The following BACH2 variants were observed in gnomAD, a reference collection of about 807,000 sequenced individuals.
BACH2 encodes the protein transcription regulator protein BACH2.
In BACH2, 5 loss-of-function variants were observed where a neutral mutation model predicts 61.8. The ratio of observed to expected loss-of-function variants is 0.08; its 90% confidence interval spans 0.04 to 0.17. The LOEUF (loss-of-function observed/expected upper bound fraction) is 0.17. Among genes scored for constraint, BACH2 ranks in the 10% least tolerant of loss-of-function variants. The probability of loss-of-function intolerance (pLI) is 1.00; values close to 1 mark genes in which losing one functional copy is unlikely to be tolerated. For missense variants in BACH2, 824 were observed against 1,091.1 expected (o/e 0.76, Z 3.45); for synonymous variants, 446 against 440.1 (o/e 1.01, Z -0.17).
intron 4 of BACH2, among the ~76,000 whole-genome samples, chr6:90,180,992 T>C (rs1449451619): frequency 2.6e-5 from 4 of 152,178 alleles, no homozygotes; most frequent in Admixed American, 2.6e-4. Context: ...CACCTGCAGG[T>C]GTCCTTTTTA....
At chr6:90,114,351 G>C (rs1257070085) in intron 4 of BACH2, among the ~76,000 whole-genome samples, 1 of 152,126 alleles carries the variant, frequency 6.6e-6, no homozygotes, top group Non-Finnish European at 1.5e-5. Flanking sequence ...CGGATGCAGG[G>C]TTGGTTCAAC....
chr6:90,212,395 G>T (rs1769385531), intron 3 of BACH2, among the ~76,000 whole-genome samples: 2 of 152,142 alleles, frequency 1.3e-5, no homozygotes. Context: ...AGTGGAGCTT[G>T]CCAAGGAGAT....
In BACH2 at chr6:90,242,965, C is replaced by T. The variant is rs192694960; in HGVS notation, c.-275+9548G>A. Among the ~76,000 whole-genome samples the T allele has an allele frequency of 3.6e-4, 54 of 151,658 alleles. No homozygotes were observed. In the East Asian group the frequency reaches 9.7e-3, roughly 27 times the overall value. ...CGTGATCTTGGCTCACTGCAACCTC[C>T]GCCTCCCGAGTTCAAGCGATTCTCC... On this transcript the variant is annotated intron_variant, in intron 3 of 8. Transcript: ENST00000257749.
chr6:90,055,044 G>A (rs914820516), intron 5 of BACH2, among the ~76,000 whole-genome samples: 4 of 152,166 alleles, frequency 2.6e-5, no homozygotes, highest in Admixed American at 2.6e-4. Flanking sequence ...AGAAAAACTG[G>A]AAACTCTAAA....
chr6:90,221,155 TCAAA>T (rs1464743828), intron 3 of BACH2, among the ~76,000 whole-genome samples: 3 of 152,212 alleles, frequency 2.0e-5, no homozygotes, highest in African/African-American at 7.2e-5. Flanking sequence ...AAATCTTCAA[TCAAA>T]CAAAATCTTA....
At chr6:90,090,021 AT>A (rs1582341255) in intron 4 of BACH2, among the ~76,000 whole-genome samples, 1 of 152,186 alleles carries the variant, frequency 6.6e-6, no homozygotes, top group East Asian at 1.9e-4. Context: ...AAACTTTTAG[AT>A]TTAGAATTAG....
intron 5 of BACH2, among the ~76,000 whole-genome samples, chr6:90,074,711 T>C (rs1427991522): frequency 6.6e-6 from 1 of 152,096 alleles, no homozygotes; most frequent in African/African-American, 2.4e-5. Flanking sequence ...GGGGAGAACA[T>C]AATCAGATGG....
chr6:89,991,332 T>C (rs1157946915), intron 6 of BACH2, among the ~76,000 whole-genome samples: 1 of 152,238 alleles, frequency 6.6e-6, no homozygotes, highest in African/African-American at 2.4e-5. Flanking sequence ...TATATCCACC[T>C]ACTTTTAGTC....
At position 89,928,117 on chromosome 6, in the gene BACH2, C is replaced by T. The variant is rs1179584863; in HGVS notation, c.*4291G>A. The T allele has an allele frequency of 6.7e-6, 1 of 148,220 alleles. No homozygotes were observed. 9.2% of individuals were successfully genotyped at this position (148,220 alleles called of 1,614,324 possible). On this transcript the variant is annotated 3_prime_UTR_variant, in exon 9 of 9. Coordinates refer to ENST00000257749, the MANE Select transcript of BACH2 (RefSeq NM_021813.4). Reference sequence around the variant, plus strand: ...TCATGATACAACGAACAGCTTTATTCTTAGAAAACAAAAACAAAAACAAAA... The same window carrying T: ...TCATGATACAACGAACAGCTTTATTTTTAGAAAACAAAAACAAAAACAAAA...
rs75146732 is a variant in BACH2, at chr6:90,223,409, C to A, written c.-274-16728G>T. ...CATAATGTATAACTTAGAACTGTTTCATATAATGTATTCAATGGCACTTGT... is the reference window on the plus strand; with the variant it reads ...CATAATGTATAACTTAGAACTGTTTAATATAATGTATTCAATGGCACTTGT... On this transcript the variant is annotated intron_variant, in intron 3 of 8. Coordinates refer to ENST00000257749, the MANE Select transcript of BACH2 (RefSeq NM_021813.4). Among the ~76,000 whole-genome samples, 1,365 of 152,252 alleles carry A rather than the reference C, an allele frequency of 9.0e-3. 18 individuals carry two copies. The highest frequency in any genetic ancestry group is 0.031 in the African/African-American group (1,271 of 41,526).
intron 6 of BACH2, among the ~76,000 whole-genome samples, chr6:89,990,765 C>G (rs1055246624): frequency 6.6e-6 from 1 of 152,152 alleles, no homozygotes; most frequent in African/African-American, 2.4e-5. Context: ...TTTATTTTCT[C>G]TTAAGTTGCT....
At chr6:90,193,529 C>A (rs1460597787) in intron 4 of BACH2, among the ~76,000 whole-genome samples, 3 of 152,168 alleles carry the variant, frequency 2.0e-5, no homozygotes, top group African/African-American at 7.2e-5. Context: ...TGTGACCACA[C>A]ATTTCTGTTG....
chr6:89,984,464 T>C (rs1776129380), intron 6 of BACH2, among the ~76,000 whole-genome samples: 1 of 151,874 alleles, frequency 6.6e-6, no homozygotes, highest in South Asian at 2.1e-4. Flanking sequence ...GGACAGATGC[T>C]TAGGGAATCC....
chr6:90,260,196 T>C (rs1335715533), intron 2 of BACH2, among the ~76,000 whole-genome samples: 1 of 152,192 alleles, frequency 6.6e-6, no homozygotes, highest in Admixed American at 6.5e-5. Flanking sequence ...GCTATAAACT[T>C]TCCTCTCAGA....
chr6:90,146,731 A>C (rs545169323), intron 4 of BACH2, among the ~76,000 whole-genome samples: 4 of 152,332 alleles, frequency 2.6e-5, no homozygotes, highest in African/African-American at 9.6e-5. Flanking sequence ...GTTGTTTCTT[A>C]AGCACTCAGA....
At chr6:90,294,043 T>G (rs566146841) in intron 1 of BACH2, among the ~76,000 whole-genome samples, 126 of 152,328 alleles carry the variant, frequency 8.3e-4, no homozygotes, top group African/African-American at 2.9e-3. Flanking sequence ...TCACCCCTTC[T>G]TCTTCATAGC....
At chr6:89,977,186 C>T (rs1052304915) in intron 6 of BACH2, among the ~76,000 whole-genome samples, 3 of 151,852 alleles carry the variant, frequency 2.0e-5, no homozygotes, top group African/African-American at 4.8e-5. Flanking sequence ...AAATAAGAGC[C>T]CTTCTTGGAT....
In BACH2 at chr6:89,927,884, T is replaced by C. The variant is rs530280923; in HGVS notation, c.*4524A>G. 10 of 152,626 alleles carry C rather than the reference T, an allele frequency of 6.6e-5. No homozygotes were observed. Among genetic ancestry groups the C allele is most frequent in the Non-Finnish European group, 1.2e-4 (8 of 68,030 alleles). 9.5% of individuals were successfully genotyped at this position (152,626 alleles called of 1,614,324 possible). ...TTTGCACACACTATTTGTGTACAGA[T>C]ATGTTCTGTTCTACAGCATCGGTTT... On this transcript the variant is annotated 3_prime_UTR_variant, in exon 9 of 9. Transcript: ENST00000257749.
At chr6:90,059,651 T>C (rs1317074401) in intron 5 of BACH2, among the ~76,000 whole-genome samples, 1 of 152,178 alleles carries the variant, frequency 6.6e-6, no homozygotes, top group Non-Finnish European at 1.5e-5. Flanking sequence ...TTATAAATCA[T>C]GCTGCTATAA....
Sources: allele counts gnomAD v4.1 joint callset (sites outside exome capture counted in the v4.1 genomes callset), GRCh38; gene constraint gnomAD v4.1.1; transcripts MANE v1.5; gene names NCBI Gene and HGNC (gene_info 2026-07-23, HGNC 2026-07-21).